The following STX18 variants were observed in gnomAD, a reference collection of about 807,000 sequenced individuals.
STX18 encodes syntaxin 18, also known as syntaxin-18.
A neutral mutation model predicts 50.1 loss-of-function variants in STX18; 40 were observed. That is an observed-to-expected ratio of 0.80 (90% CI 0.62 to 1.04). The LOEUF is 1.04. STX18 is among the 50% of genes least tolerant of loss of function. The probability of loss-of-function intolerance (pLI) is 0.00; values close to 1 mark genes in which losing one functional copy is unlikely to be tolerated. For missense variants in STX18, 410 were observed against 415.8 expected (o/e 0.99, Z 0.12); for synonymous variants, 158 against 151.8 (o/e 1.04, Z -0.30).
At chr4:4,522,745 G>T (rs1293389798) in intron 1 of STX18, among the ~76,000 whole-genome samples, 1 of 152,160 alleles carries the variant, frequency 6.6e-6, no homozygotes, top group Non-Finnish European at 1.5e-5. Flanking sequence ...AAAGTCAGAG[G>T]TAAAATTAAT....
At chr4:4,479,263 A>C (rs73796020) in intron 1 of STX18, among the ~76,000 whole-genome samples, 2,137 of 152,300 alleles carry the variant, frequency 0.014, 53 homozygotes, top group African/African-American at 0.049. Context: ...ACAGTAAACT[A>C]ACACATCCTG....
chr4:4,419,948 A>G lies in STX18; in HGVS notation c.*86T>C. The stretch of plus-strand genomic sequence containing the variant: ...TGGCACTGTGATAAAATCTGGTCAT[A>G]CCATGCTCCAGCACTGGAAGTACAT... On this transcript the variant is annotated 3_prime_UTR_variant, in exon 11 of 11. Transcript: ENST00000306200. 2 of 1,136,944 alleles carry G rather than the reference A, an allele frequency of 1.8e-6. No individual in the cohort carries two copies. The highest frequency in any genetic ancestry group is 2.6e-6 in the Non-Finnish European group (2 of 778,062). The allele number at this position is 1,136,944 out of a possible 1,614,324, so 70.4% of individuals were successfully genotyped here. A position where few individuals can be genotyped will look rare whatever the true frequency, so the allele number is the denominator to read the frequency against.
intron 1 of STX18, among the ~76,000 whole-genome samples, chr4:4,486,410 C>T (rs940127544): frequency 8.5e-5 from 13 of 152,190 alleles, no homozygotes; most frequent in African/African-American, 3.1e-4. Flanking sequence ...ATTACCTTGA[C>T]AATTCATAAC....
intron 2 of STX18, among the ~76,000 whole-genome samples, chr4:4,470,789 C>T (rs1212601329): frequency 6.6e-6 from 1 of 152,138 alleles, no homozygotes; most frequent in African/African-American, 2.4e-5. Context: ...GGAAGGCTGG[C>T]ATGGCTGGAG....
Position 4,423,537 on chromosome 4 carries a change from G to T in STX18, c.812C>A (p.Thr271Lys). ...VEISRLQEIF[T>K]EKVLQQEAEI... is the part of the protein sequence containing the mutation. ...TTTTACCTGTTGCAAAACCTTTTCC[G>T]TGAATATCTCTTGGAGTCTGGAAAT... is the stretch of plus-strand genomic sequence containing the variant. The change falls in exon 9 of 11, where the codon ACG (threonine) becomes AAG (lysine). Residue 271 changes from threonine to lysine, a missense_variant. Transcript: ENST00000306200. 1 of 1,614,126 alleles carries T rather than the reference G, an allele frequency of 6.2e-7. No homozygotes were observed. The highest frequency in any genetic ancestry group is 8.5e-7 in the Non-Finnish European group (1 of 1,180,024).
intron 5 of STX18, among the ~76,000 whole-genome samples, chr4:4,448,467 G>A (rs1217990532): frequency 1.3e-5 from 2 of 151,806 alleles, no homozygotes; most frequent in Middle Eastern, 3.4e-3. Flanking sequence ...TCAGCCTCCC[G>A]AGTAGCTGGA....
At chr4:4,514,960 G>C (rs1730181352) in intron 1 of STX18, among the ~76,000 whole-genome samples, 1 of 152,162 alleles carries the variant, frequency 6.6e-6, no homozygotes, top group Non-Finnish European at 1.5e-5. Flanking sequence ...ATGGGGACAG[G>C]AAGGAGGGAA....
intron 1 of STX18, among the ~76,000 whole-genome samples, chr4:4,520,200 A>T (rs1428539512): frequency 6.6e-6 from 1 of 152,198 alleles, no homozygotes; most frequent in African/African-American, 2.4e-5. Context: ...GCTCATAACG[A>T]ATTATGCTGA....
intron 1 of STX18, among the ~76,000 whole-genome samples, chr4:4,524,903 C>T (rs1444749376): frequency 6.6e-6 from 1 of 152,008 alleles, no homozygotes; most frequent in African/African-American, 2.4e-5. Context: ...AAAAAGGAGA[C>T]AAACAGGGAG....
Position 4,459,453 on chromosome 4 carries a change from T to C in STX18, c.271A>G (p.Thr91Ala). 1 of 1,614,150 alleles carries C rather than the reference T, an allele frequency of 6.2e-7. No homozygotes were observed. The highest frequency in any genetic ancestry group is 8.5e-7 in the Non-Finnish European group (1 of 1,180,010). ...TMSEYGRMTDTERDQIDQDAQ... is the reference protein window; with the variant it reads ...TMSEYGRMTDAERDQIDQDAQ... ...TCCTGGTCTATCTGGTCTCGTTCTG[T>C]GTCTGTCATCCTCCCATATTCAGAC... Residue 91 changes from threonine (T) to alanine (A), a missense_variant, in exon 3 of 11, where the codon ACA becomes GCA. Physicochemically the swap from Thr to Ala is moderately conservative, Grantham distance 58. Coordinates refer to ENST00000306200, the MANE Select transcript of STX18 (RefSeq NM_016930.4).
At chr4:4,540,453 C>T (rs1471621683) in intron 1 of STX18, among the ~76,000 whole-genome samples, 8 of 152,344 alleles carry the variant, frequency 5.3e-5, no homozygotes, top group Non-Finnish European at 1.0e-4. Context: ...CACAGCTTAG[C>T]GCATACTATT....
Position 4,425,181 on chromosome 4 carries a change from G to A in STX18, c.744C>T (p.Ser248=). The A allele has an allele frequency of 6.2e-7, 1 of 1,614,118 alleles. No individual in the cohort carries two copies. The highest frequency in any genetic ancestry group is 8.5e-7 in the Non-Finnish European group (1 of 1,179,968). Residue 248 remains serine, a synonymous_variant, in exon 8 of 11, where the codon AGC becomes AGT. Transcript: ENST00000306200. The part of the protein sequence containing the change: ...ENQRLIGEMN[S]LFDEVRQIEG... ...AAACATACCTCACTTCATCAAACAA[G>A]CTGTTCATTTCACCAATTAGTCGCT... is the stretch of plus-strand genomic sequence containing the variant.
intron 5 of STX18, among the ~76,000 whole-genome samples, chr4:4,446,559 T>A (rs927278986): frequency 1.3e-5 from 2 of 152,202 alleles, no homozygotes; most frequent in Admixed American, 6.5e-5. Flanking sequence ...GAAAAGGTGA[T>A]TAACAATATT....
intron 9 of STX18, among the ~76,000 whole-genome samples, chr4:4,423,154 C>T (rs1725055694): frequency 6.6e-6 from 1 of 152,234 alleles, no homozygotes; most frequent in African/African-American, 2.4e-5. Flanking sequence ...AATAACCCTG[C>T]AGGAGTCCCT....
At chr4:4,470,954 A>AG (rs1232271108) in intron 2 of STX18, among the ~76,000 whole-genome samples, 1 of 152,224 alleles carries the variant, frequency 6.6e-6, no homozygotes, top group Non-Finnish European at 1.5e-5. Flanking sequence ...AGTTTAAAAA[A>AG]GACTCTGGCT....
intron 5 of STX18, among the ~76,000 whole-genome samples, chr4:4,450,800 C>T (rs1726706375): frequency 6.6e-6 from 1 of 152,198 alleles, no homozygotes; most frequent in African/African-American, 2.4e-5. Context: ...ACCCCTGCCT[C>T]ACTGCATGGC....
At chr4:4,428,780 GA>G (rs1332043473) in intron 7 of STX18, among the ~76,000 whole-genome samples, 1 of 152,178 alleles carries the variant, frequency 6.6e-6, no homozygotes, top group African/African-American at 2.4e-5. Flanking sequence ...GGTGCTGAAT[GA>G]AAGACCTGGT....
chr4:4,472,781 G>A (rs1235478773), intron 1 of STX18, among the ~76,000 whole-genome samples: 1 of 152,140 alleles, frequency 6.6e-6, no homozygotes, highest in African/African-American at 2.4e-5. Context: ...AATAAACACT[G>A]TGGAATGAGT....
At chr4:4,505,335 T>C (rs961157271) in intron 1 of STX18, among the ~76,000 whole-genome samples, 64 of 152,158 alleles carry the variant, frequency 4.2e-4, no homozygotes, top group African/African-American at 1.5e-3. Flanking sequence ...TTGAACAAAA[T>C]CATATCCAAA....
Sources: allele counts gnomAD v4.1 joint callset (sites outside exome capture counted in the v4.1 genomes callset), GRCh38; gene constraint gnomAD v4.1.1; transcripts MANE v1.5; gene names NCBI Gene and HGNC (gene_info 2026-07-23, HGNC 2026-07-21).